The following EIF2AK4 variants were observed in gnomAD, a reference collection of about 807,000 sequenced individuals.
EIF2AK4 encodes eukaryotic translation initiation factor 2 alpha kinase 4.
EIF2AK4 carries 139 observed loss-of-function variants against 211.1 expected under a neutral mutation model. The observed-to-expected ratio is 0.66, with a 90% confidence interval of 0.57 to 0.76. The LOEUF is 0.76. Among genes scored for constraint, EIF2AK4 ranks in the 30% least tolerant of loss-of-function variants. EIF2AK4 has a pLI of 0.00. For missense variants in EIF2AK4, 1,664 were observed against 2,043.8 expected, an observed-to-expected ratio of 0.81 and a Z score of 3.58; for synonymous variants, 710 against 751.3, an observed-to-expected ratio of 0.94 and a Z score of 0.90.
chr15:40,034,895 A>AT, intron 38 of EIF2AK4, 132 bp from the exon 39 acceptor site: 1 of 632,370 alleles, frequency 1.6e-6, no homozygotes, highest in Non-Finnish European at 2.6e-6. Flanking sequence ...AACCTATATA[A>AT]TTTTTTAATG....
At chr15:39,977,300 C>T (rs4923847) in intron 12 of EIF2AK4, 87,456 of 154,198 alleles carry the variant, frequency 0.57, 25,030 homozygotes, top group Middle Eastern at 0.61. Context: ...ACTGTTCCAC[C>T]TTACATCATC....
At chr15:39,987,643 G>T (rs2034884072) in intron 14 of EIF2AK4, among the ~76,000 whole-genome samples, 1 of 151,946 alleles carries the variant, frequency 6.6e-6, no homozygotes, top group Non-Finnish European at 1.5e-5. Context: ...TGTAAATTTG[G>T]GTTTGGAAGC....
intron 1 of EIF2AK4, among the ~76,000 whole-genome samples, chr15:39,938,726 T>G (rs935709239): frequency 1.2e-4 from 19 of 152,160 alleles, no homozygotes; most frequent in Non-Finnish European, 2.4e-4. Flanking sequence ...GGCAAGAATG[T>G]AAAACTCCCT....
At chr15:39,939,820 T>C (rs1236609140) in intron 2 of EIF2AK4, among the ~76,000 whole-genome samples, 1 of 152,268 alleles carries the variant, frequency 6.6e-6, no homozygotes, top group Non-Finnish European at 1.5e-5. Context: ...GTTATAGAAT[T>C]GTCACTACAG....
intron 30 of EIF2AK4, among the ~76,000 whole-genome samples, chr15:40,019,677 A>G (rs2035356560): frequency 6.6e-6 from 1 of 152,170 alleles, no homozygotes; most frequent in Admixed American, 6.6e-5. Context: ...TTTCATTCCA[A>G]AAGCATCCCC....
Position 40,030,198 on chromosome 15 carries a change from C to T in EIF2AK4, c.4562-161C>T, listed in dbSNP as rs535046078. On this transcript the variant is annotated intron_variant, in intron 34 of 38. Transcript: ENST00000263791. ...TGGGGTTCTGGGCTCCTCACCTATCCGGTGCAGATGGTTGTAGGGATAGAA... is the reference window on the plus strand; with the variant it reads ...TGGGGTTCTGGGCTCCTCACCTATCTGGTGCAGATGGTTGTAGGGATAGAA... Among the ~76,000 whole-genome samples, 123 of 152,284 alleles carry T rather than the reference C, an allele frequency of 8.1e-4. 2 individuals carry two copies. The South Asian group carries it at 0.01, about 13-fold the overall frequency.
At chr15:39,964,965 CT>C (rs2034522638) in intron 7 of EIF2AK4, among the ~76,000 whole-genome samples, 1 of 152,190 alleles carries the variant, frequency 6.6e-6, no homozygotes, top group South Asian at 2.1e-4. Flanking sequence ...GCACACTAAT[CT>C]ATAATGATCT....
chr15:39,976,745 G>T lies in EIF2AK4; in HGVS notation c.2150G>T (p.Arg717Leu), dbSNP rs777747546. The change falls in exon 12 of 39, where the codon CGC (arginine) becomes CTC (leucine). Residue 717 changes from arginine (R) to leucine (L), a missense_variant. Around this residue, in one of 7 missense-constraint regions of EIF2AK4, gnomAD observed 206 missense variants for 201.9 expected, o/e 1.02. Transcript: ENST00000263791. ...GTGGAGTGGAGCACTTCGGGCGAGC[G>T]CTCGGCCAGTGCCCGTTTCCCCGCC... Reference protein sequence around the residue: ...SSVEWSTSGERSASARFPATG... With the variant: ...SSVEWSTSGELSASARFPATG... 6.3e-6 allele frequency: 10 copies of T among 1,599,170 alleles called. No homozygotes were observed. The highest frequency in any genetic ancestry group is 8.5e-6 in the Non-Finnish European group (10 of 1,175,980).
At chr15:39,962,431 A>G (rs1020835969) in intron 7 of EIF2AK4, among the ~76,000 whole-genome samples, 3 of 152,222 alleles carry the variant, frequency 2.0e-5, no homozygotes, top group African/African-American at 7.2e-5. Context: ...GATCAAATGT[A>G]TGTAACAAAG....
At position 39,976,538 on chromosome 15, in the gene EIF2AK4, T is replaced by C. The variant is rs746977318; in HGVS notation, c.1943T>C (p.Ile648Thr). Residue 648 changes from isoleucine to threonine, a missense_variant, in exon 12 of 39, where the codon ATT becomes ACT. This residue lies in a region of EIF2AK4 where 37 missense variants were observed against 84.0 expected (regional missense o/e 0.44). Coordinates refer to ENST00000263791, the MANE Select transcript of EIF2AK4 (RefSeq NM_001013703.4). ...CTGTCACGGCTGCACCATGAGAACATTGTGCGCTACTACAACGCCTGGATC... is the reference window on the plus strand; with the variant it reads ...CTGTCACGGCTGCACCATGAGAACACTGTGCGCTACTACAACGCCTGGATC... ...TLLSRLHHENIVRYYNAWIER... is the reference protein window; with the variant it reads ...TLLSRLHHENTVRYYNAWIER... 6.8e-6 allele frequency: 11 copies of C among 1,613,186 alleles called. No individual in the cohort carries two copies. Among genetic ancestry groups the C allele is most frequent in the Admixed American group, 6.7e-5 (4 of 60,000 alleles).
At chr15:39,988,176 A>G (rs952766586) in intron 15 of EIF2AK4, 71 bp downstream of exon 15, 14 of 1,556,528 alleles carry the variant, frequency 9.0e-6, no homozygotes, top group African/African-American at 1.4e-5. Flanking sequence ...AAAATATCAA[A>G]TGTAAGATTG....
At chr15:40,002,538 A>G (rs1161253047) in intron 21 of EIF2AK4, 175 bp from the exon 22 acceptor site, 3 of 587,640 alleles carry the variant, frequency 5.1e-6, no homozygotes, top group Admixed American at 6.6e-5. Context: ...AAAGCAGGCC[A>G]TGAAAGATAT....
At chr15:39,967,243 T>TA in intron 8 of EIF2AK4, 101 bp from the exon 9 acceptor site, 1 of 1,360,782 alleles carries the variant, frequency 7.3e-7, no homozygotes, top group Non-Finnish European at 9.7e-7. Flanking sequence ...TTTGTTTTTT[T>TA]ATGCCCCCAT....
At position 40,029,602 on chromosome 15, in the gene EIF2AK4, A is replaced by G. The variant is rs1452705845; in HGVS notation, c.4561+138A>G. On this transcript the variant is annotated intron_variant, in intron 34 of 38. Coordinates refer to ENST00000263791, the MANE Select transcript of EIF2AK4 (RefSeq NM_001013703.4). Reference sequence around the variant, plus strand: ...TACGCAATAAATTGTACCACATGGGATGCATCCCTATGCTTTGAAATCCAC... The same window carrying G: ...TACGCAATAAATTGTACCACATGGGGTGCATCCCTATGCTTTGAAATCCAC... The G allele has an allele frequency of 1.0e-5, 8 of 791,000 alleles. No homozygotes were observed. In the Admixed American group the frequency reaches 2.3e-4, roughly 23 times the overall value. The allele number at this position is 791,000 out of a possible 1,614,324, so 49.0% of individuals were successfully genotyped here. A position where few individuals can be genotyped will look rare whatever the true frequency, so the allele number is the denominator to read the frequency against.
At chr15:39,937,481 G>A (rs1218246626) in intron 1 of EIF2AK4, among the ~76,000 whole-genome samples, 1 of 151,920 alleles carries the variant, frequency 6.6e-6, no homozygotes, top group Non-Finnish European at 1.5e-5. Flanking sequence ...AAGAAAACTA[G>A]CATTTTGGGT....
chr15:39,972,175 G>T (rs1262843684), intron 9 of EIF2AK4, among the ~76,000 whole-genome samples: 1 of 151,868 alleles, frequency 6.6e-6, no homozygotes, highest in African/African-American at 2.4e-5. Context: ...CCTGGGCAGT[G>T]TGGTGAAACC....
chr15:39,972,845 T>TATTAA, intron 9 of EIF2AK4, 63 bp from the exon 10 acceptor site: 1 of 1,305,714 alleles, frequency 7.7e-7, no homozygotes, highest in Admixed American at 1.8e-5. Flanking sequence ...GTTAATGCCT[T>TATTAA]GGATTAACTA....
intron 6 of EIF2AK4, among the ~76,000 whole-genome samples, chr15:39,959,757 T>C (rs2034440682): frequency 6.6e-6 from 1 of 152,262 alleles, no homozygotes; most frequent in Non-Finnish European, 1.5e-5. Flanking sequence ...TTTAAATCTT[T>C]GCTTTTATCC....
At chr15:39,984,399 G>T (rs1041223875) in intron 13 of EIF2AK4, among the ~76,000 whole-genome samples, 8 of 152,184 alleles carry the variant, frequency 5.3e-5, no homozygotes, top group African/African-American at 7.2e-5. Context: ...AAAGTCAATG[G>T]TAGTTTGATG....
Sources: allele counts gnomAD v4.1 joint callset (sites outside exome capture counted in the v4.1 genomes callset), GRCh38; gene constraint gnomAD v4.1.1; regional missense constraint gnomAD v4.1.1; transcripts MANE v1.5; gene names NCBI Gene and HGNC (gene_info 2026-07-23, HGNC 2026-07-21).